The following XYLT1 variants were observed in gnomAD, a reference collection of about 807,000 sequenced individuals.
XYLT1 encodes xylosyltransferase 1, also known as beta-D-xylosyltransferase 1.
In XYLT1, 36 loss-of-function variants were observed where a neutral mutation model predicts 91.3. The ratio of observed to expected loss-of-function variants is 0.39; its 90% CI spans 0.30 to 0.52. The LOEUF is 0.52. XYLT1 is among the 20% of genes least tolerant of loss of function. The pLI is 0.68. For synonymous variants in XYLT1, 588 were observed against 532.0 expected, an observed-to-expected ratio of 1.11 and a Z score of -1.45; for missense variants, 1,242 against 1,284.5, an observed-to-expected ratio of 0.97 and a Z score of 0.51.
chr16:17,220,325 T>A (rs1321723506), intron 3 of XYLT1, among the ~76,000 whole-genome samples: 1 of 151,782 alleles, frequency 6.6e-6, no homozygotes, highest in African/African-American at 2.4e-5. Flanking sequence ...AAAAAAAAAA[T>A]ATGAGCACAA....
chr16:17,325,299 G>A (rs1450631691), intron 2 of XYLT1, among the ~76,000 whole-genome samples: 3 of 152,184 alleles, frequency 2.0e-5, no homozygotes, highest in Admixed American at 1.3e-4. Context: ...TACTTGGGAG[G>A]CTAAGACAGG....
chr16:17,249,732 G>C (rs890910034), intron 3 of XYLT1: 8 of 152,244 alleles, frequency 5.3e-5, no homozygotes, highest in African/African-American at 9.7e-5. Context: ...GCAGTGGTGT[G>C]ATCTCAGCTC....
At chr16:17,236,432 C>CAAAAA (rs113892095) in intron 3 of XYLT1, among the ~76,000 whole-genome samples, 3 of 100,656 alleles carry the variant, frequency 3.0e-5, no homozygotes, top group African/African-American at 1.0e-4. Flanking sequence ...ATGGAGAGTA[C>CAAAAA]AAAAAAAAAA....
intron 3 of XYLT1, among the ~76,000 whole-genome samples, chr16:17,230,412 G>A (rs529703936): frequency 9.2e-5 from 14 of 152,162 alleles, no homozygotes; most frequent in African/African-American, 3.4e-4. Context: ...GGCTAGTTCC[G>A]ATGTCCCCAT....
chr16:17,212,705 C>T (rs1302001718), intron 3 of XYLT1, among the ~76,000 whole-genome samples: 1 of 152,112 alleles, frequency 6.6e-6, no homozygotes, highest in Non-Finnish European at 1.5e-5. Context: ...TAAAGAACAG[C>T]CCATGACTGA....
chr16:17,248,923 C>T (rs1199365783), intron 3 of XYLT1, among the ~76,000 whole-genome samples: 1 of 151,806 alleles, frequency 6.6e-6, no homozygotes, highest in East Asian at 1.9e-4. Context: ...GATGGGGTTT[C>T]ACTATGTTGG....
intron 3 of XYLT1, among the ~76,000 whole-genome samples, chr16:17,239,916 C>A (rs1261664101): frequency 6.6e-6 from 1 of 152,194 alleles, no homozygotes; most frequent in Non-Finnish European, 1.5e-5. Context: ...TATATCCACC[C>A]ATCTTCTCAT....
intron 1 of XYLT1, among the ~76,000 whole-genome samples, chr16:17,466,965 T>C (rs1315775378): frequency 6.6e-6 from 1 of 152,124 alleles, no homozygotes; most frequent in Non-Finnish European, 1.5e-5. Context: ...AGAAAAGCTA[T>C]ACCTCCAAGG....
intron 2 of XYLT1, among the ~76,000 whole-genome samples, chr16:17,337,764 C>T (rs1276702335): frequency 6.8e-6 from 1 of 146,968 alleles, no homozygotes; most frequent in Non-Finnish European, 1.5e-5. Flanking sequence ...TTTGTCTGTT[C>T]CACATTTTTT....
chr16:17,350,635 C>T (rs1477992147), intron 2 of XYLT1, among the ~76,000 whole-genome samples: 19 of 152,086 alleles, frequency 1.2e-4, no homozygotes, highest in Admixed American at 3.3e-4. Flanking sequence ...AGGAGGCTGA[C>T]GGGGGAAAAA....
chr16:17,388,150 G>A (rs4781988), intron 1 of XYLT1, among the ~76,000 whole-genome samples: 38,717 of 152,114 alleles, frequency 0.25, 5,804 homozygotes, highest in Middle Eastern at 0.37. Flanking sequence ...CATCTAATAC[G>A]AAGCCTAGTT....
At chr16:17,115,521 C>G (rs1202767471) in intron 11 of XYLT1, among the ~76,000 whole-genome samples, 1 of 150,962 alleles carries the variant, frequency 6.6e-6, no homozygotes, top group African/African-American at 2.4e-5. Flanking sequence ...GCTCTGTCAC[C>G]CAACTGGAGT....
At chr16:17,292,081 T>TACACACACACACACACACACACACAC (rs10568382) in intron 2 of XYLT1, among the ~76,000 whole-genome samples, 1 of 148,984 alleles carries the variant, frequency 6.7e-6, no homozygotes, top group African/African-American at 2.5e-5. Context: ...CACTAAACCA[T>TACACACACACACACACACACACACAC]ACACACACAC....
chr16:17,312,975 C>A lies in XYLT1; in HGVS notation c.402+45037G>T, dbSNP rs184976221. On this transcript the variant is annotated intron_variant, in intron 2 of 11. Coordinates refer to ENST00000261381, the MANE Select transcript of XYLT1 (RefSeq NM_022166.4). The surrounding 1 kb of genome is among the most constrained non-coding windows in gnomAD (Gnocchi z 4.4). ...AGAACCGGATCCTCTTGGAAAAGCTCCCCCTGGCCGGGGCTGAGCAGGGAA... is the reference window on the plus strand; with the variant it reads ...AGAACCGGATCCTCTTGGAAAAGCTACCCCTGGCCGGGGCTGAGCAGGGAA... Among the ~76,000 whole-genome samples the A allele has an allele frequency of 6.6e-6, 1 of 152,258 alleles. No homozygotes were observed. The highest frequency in any genetic ancestry group is 2.4e-5 in the African/African-American group (1 of 41,472).
chr16:17,271,450 A>C (rs996338866), intron 2 of XYLT1, among the ~76,000 whole-genome samples: 2 of 152,156 alleles, frequency 1.3e-5, no homozygotes, highest in Non-Finnish European at 2.9e-5. Flanking sequence ...ACACAGAGAG[A>C]GAGACAGAGA....
intron 6 of XYLT1, among the ~76,000 whole-genome samples, chr16:17,142,480 C>CTGGA (rs1424077861): frequency 1.4e-5 from 2 of 138,880 alleles, no homozygotes; most frequent in East Asian, 4.1e-4. Context: ...GTAGCTCAGG[C>CTGGA]TGGAGTGCAG....
At chr16:17,383,752 C>CTTTTTTTCTTT (rs1555501410) in intron 1 of XYLT1, among the ~76,000 whole-genome samples, 2 of 135,596 alleles carry the variant, frequency 1.5e-5, no homozygotes, top group Non-Finnish European at 3.2e-5. Context: ...GTGGAATTTT[C>CTTTTTTTCTTT]TTTTTTTTTT....
intron 2 of XYLT1, among the ~76,000 whole-genome samples, chr16:17,269,020 G>C (rs1291981426): frequency 1.3e-5 from 2 of 152,110 alleles, no homozygotes; most frequent in Non-Finnish European, 2.9e-5. Context: ...CTCAAGTCCT[G>C]AATCATCCTC....
At chr16:17,417,714 C>A (rs1271858407) in intron 1 of XYLT1, among the ~76,000 whole-genome samples, 1 of 152,176 alleles carries the variant, frequency 6.6e-6, no homozygotes, top group Non-Finnish European at 1.5e-5. Context: ...GTGTCTTATT[C>A]CCCTCCTCTT....
Sources: gnomAD v4.1 joint callset for allele counts (sites outside exome capture counted in the v4.1 genomes callset) on GRCh38, gnomAD v4.1.1 for gene constraint, Gnocchi (gnomAD v3.1) non-coding constraint, MANE v1.5 for transcripts, NCBI Gene and HGNC (gene_info 2026-07-23, HGNC 2026-07-21) for gene names.